ARHGAP24: variants seen among roughly 807,000 people sequenced by gnomAD.
ARHGAP24 encodes Rho GTPase activating protein 24.
In ARHGAP24, 50 loss-of-function variants were observed where a neutral mutation model predicts 76.4. The observed-to-expected ratio is 0.65, with a 90% CI of 0.52 to 0.83. ARHGAP24 has a LOEUF of 0.83. Ranked by LOEUF, ARHGAP24 falls within the 40% of genes least tolerant of loss-of-function variation. The pLI is 0.00. For synonymous variants in ARHGAP24, 345 were observed against 323.3 expected (o/e 1.07, Z -0.72); for missense variants, 930 against 914.2 (o/e 1.02, Z -0.22).
chr4:85,591,897 A>G (rs935502016), intron 2 of ARHGAP24, among the ~76,000 whole-genome samples: 1 of 152,162 alleles, frequency 6.6e-6, no homozygotes, highest in Non-Finnish European at 1.5e-5. Flanking sequence ...TAATAGTATT[A>G]CCATACCACA....
chr4:85,560,153 T>C (rs1195407825), intron 1 of ARHGAP24, among the ~76,000 whole-genome samples: 1 of 152,138 alleles, frequency 6.6e-6, no homozygotes, highest in Non-Finnish European at 1.5e-5. Context: ...TTGTTTCTAC[T>C]CAGGTTATCA....
intron 2 of ARHGAP24, among the ~76,000 whole-genome samples, chr4:85,609,781 G>T (rs1174825967): frequency 6.6e-6 from 1 of 152,102 alleles, no homozygotes; most frequent in Non-Finnish European, 1.5e-5. Context: ...GATTAAATCA[G>T]CAGGGTATCT....
chr4:85,514,036 C>G (rs758291993), intron 1 of ARHGAP24, among the ~76,000 whole-genome samples: 2 of 152,166 alleles, frequency 1.3e-5, no homozygotes, highest in African/African-American at 4.8e-5. Flanking sequence ...CCTCATCAAT[C>G]CTTTTGAAAG....
chr4:85,981,069 C>T (rs1005284696), intron 8 of ARHGAP24, among the ~76,000 whole-genome samples: 4 of 152,156 alleles, frequency 2.6e-5, no homozygotes, highest in Non-Finnish European at 2.9e-5. Context: ...GGTGCAGAGA[C>T]GGCTGTCTGT....
At chr4:85,496,919 A>G (rs1318187162) in intron 1 of ARHGAP24, among the ~76,000 whole-genome samples, 1 of 152,010 alleles carries the variant, frequency 6.6e-6, no homozygotes, top group African/African-American at 2.4e-5. Flanking sequence ...GGAATGAACC[A>G]AAAAAAAGTC....
intron 1 of ARHGAP24, among the ~76,000 whole-genome samples, chr4:85,495,073 C>A (rs1197069318): frequency 7.7e-6 from 1 of 130,078 alleles, no homozygotes; most frequent in African/African-American, 3.0e-5. Flanking sequence ...CCAGCCCAGG[C>A]GACAGTGCGA....
chr4:85,583,532 G>A (rs187331203), intron 2 of ARHGAP24, among the ~76,000 whole-genome samples: 4 of 152,020 alleles, frequency 2.6e-5, no homozygotes, highest in African/African-American at 4.8e-5. Flanking sequence ...ATAGGCATGG[G>A]CAAGGACTTC....
chr4:85,627,734 C>T lies in ARHGAP24; in HGVS notation c.180+57013C>T, dbSNP rs528370341. Among the ~76,000 whole-genome samples the T allele has an allele frequency of 1.3e-3, 196 of 152,310 alleles. 1 individual carries two copies. Among genetic ancestry groups the T allele is most frequent in the African/African-American group, 4.6e-3 (190 of 41,580 alleles). On this transcript the variant is annotated intron_variant, in intron 2 of 9. Coordinates refer to ENST00000395184, the MANE Select transcript of ARHGAP24 (RefSeq NM_001025616.3). ...GGGCTCCACCCAGTTCCAGCTTCCC[C>T]GGCTGCTCTGTTTACCTAATCAAAC...
chr4:85,685,370 C>T (rs1560584894), intron 2 of ARHGAP24, among the ~76,000 whole-genome samples: 2 of 152,146 alleles, frequency 1.3e-5, no homozygotes, highest in Non-Finnish European at 1.5e-5. Flanking sequence ...CGGTGGCTCA[C>T]GCCTGTAATC....
intron 3 of ARHGAP24, among the ~76,000 whole-genome samples, chr4:85,738,368 T>TTAG (rs147870499): frequency 9.9e-4 from 25 of 25,238 alleles, no homozygotes; most frequent in African/African-American, 4.4e-3. Flanking sequence ...ATTTGGGCTT[T>TTAG]TATTATTATT....
intron 2 of ARHGAP24, among the ~76,000 whole-genome samples, chr4:85,692,736 G>A (rs1723711977): frequency 6.6e-6 from 1 of 152,122 alleles, no homozygotes; most frequent in African/African-American, 2.4e-5. Flanking sequence ...TGGATTTGTT[G>A]GATTGGTTTT....
chr4:85,567,164 T>G (rs1726883619), intron 1 of ARHGAP24, among the ~76,000 whole-genome samples: 2 of 152,192 alleles, frequency 1.3e-5, no homozygotes, highest in Admixed American at 1.3e-4. Context: ...TTTCAGATGT[T>G]GAGAATCCTT....
At chr4:85,500,162 G>A (rs1460957393) in intron 1 of ARHGAP24, among the ~76,000 whole-genome samples, 2 of 152,104 alleles carry the variant, frequency 1.3e-5, no homozygotes, top group Admixed American at 6.5e-5. Flanking sequence ...GTTTAAAATA[G>A]GTTATTAAGA....
At chr4:85,890,244 C>T (rs141262523) in intron 3 of ARHGAP24, among the ~76,000 whole-genome samples, 106 of 152,268 alleles carry the variant, frequency 7.0e-4, no homozygotes, top group African/African-American at 2.5e-3. Flanking sequence ...ATACTTTCAT[C>T]CCTGTAGACT....
intron 1 of ARHGAP24, among the ~76,000 whole-genome samples, chr4:85,507,310 A>G (rs574064058): frequency 3.3e-4 from 50 of 152,194 alleles, no homozygotes; most frequent in African/African-American, 1.1e-3. Flanking sequence ...TAGCCTTAAC[A>G]TACTGGGCAC....
intron 3 of ARHGAP24, among the ~76,000 whole-genome samples, chr4:85,820,369 C>T (rs941405186): frequency 7.9e-5 from 12 of 152,194 alleles, no homozygotes; most frequent in Admixed American, 5.2e-4. Context: ...TTATCCTTAG[C>T]AAACTAACAC....
rs750455147 is a variant in ARHGAP24, at chr4:85,930,951, TG to T, written c.391+7187del. ...GTACGATGCCTGAAGACCGGAATTC[TG>T]GGGGGTGCCCGGCTGGTGCCTTAGC... On this transcript the variant is annotated intron_variant, in intron 4 of 9. Coordinates refer to ENST00000395184, the MANE Select transcript of ARHGAP24 (RefSeq NM_001025616.3). 25 of 1,613,916 alleles carry T rather than the reference TG, an allele frequency of 1.5e-5. No individual in the cohort carries two copies. In the East Asian group the frequency reaches 2.7e-4, roughly 17 times the overall value.
intron 2 of ARHGAP24, among the ~76,000 whole-genome samples, chr4:85,678,456 C>T (rs1030544170): frequency 2.6e-5 from 4 of 152,112 alleles, no homozygotes; most frequent in African/African-American, 9.7e-5. Context: ...GTTCAATGCC[C>T]AAATTTGTTT....
At chr4:85,890,841 T>C (rs1053028728) in intron 3 of ARHGAP24, among the ~76,000 whole-genome samples, 3 of 152,152 alleles carry the variant, frequency 2.0e-5, no homozygotes, top group African/African-American at 7.2e-5. Flanking sequence ...ATTTAATCTA[T>C]GACAATAGCA....
Sources: allele counts gnomAD v4.1 joint callset (sites outside exome capture counted in the v4.1 genomes callset), GRCh38; gene constraint gnomAD v4.1.1; transcripts MANE v1.5; gene names NCBI Gene and HGNC (gene_info 2026-07-23, HGNC 2026-07-21).